The following INPP5E variants were observed in gnomAD, a reference collection of about 807,000 sequenced individuals.
The protein encoded by INPP5E is inositol polyphosphate-5-phosphatase E.
A neutral mutation model predicts 50.5 loss-of-function variants in INPP5E; 34 were observed. The observed-to-expected ratio is 0.67, with a 90% CI of 0.51 to 0.90. The LOEUF (loss-of-function observed/expected upper bound fraction) is 0.90. INPP5E is among the 40% of genes least tolerant of loss of function. INPP5E has a pLI of 0.00. For missense variants in INPP5E, 942 were observed against 905.5 expected, an observed-to-expected ratio of 1.04 and a Z score of -0.52; for synonymous variants, 447 against 406.0, an observed-to-expected ratio of 1.10 and a Z score of -1.21.
At chr9:136,431,223 C>A in intron 7 of INPP5E, 106 bp from the exon 8 acceptor site, 1 of 600,812 alleles carries the variant, frequency 1.7e-6, no homozygotes, top group East Asian at 3.4e-5. Flanking sequence ...CCTCCCCCCA[C>A]CCGCCGCAGG....
chr9:136,434,572 G>T (rs954662188), intron 2 of INPP5E, among the ~76,000 whole-genome samples, 168 bp downstream of exon 2: 2 of 152,146 alleles, frequency 1.3e-5, no homozygotes, highest in African/African-American at 4.8e-5. Context: ...GGGGATGGGG[G>T]TCCTTACCCA....
At chr9:136,433,984 C>T (rs778289543) in intron 3 of INPP5E, 53 bp downstream of exon 3, 2 of 1,423,848 alleles carry the variant, frequency 1.4e-6, no homozygotes, top group Non-Finnish European at 1.9e-6. Context: ...CACCCAGCTG[C>T]TTCAGAGACG....
Position 136,429,657 on chromosome 9 carries a change from G to A in INPP5E, c.*18C>T. ...CAATCACCCCACGTTGCAGCTGTGA[G>A]TCCTCGTTCAGCAAACTTCAAGAAA... is the stretch of plus-strand genomic sequence containing the variant. On this transcript the variant is annotated 3_prime_UTR_variant, in exon 10 of 10. Coordinates refer to ENST00000371712, the MANE Select transcript of INPP5E (RefSeq NM_019892.6). 1.2e-6 allele frequency: 2 copies of A among 1,613,748 alleles called. No homozygotes were observed. The highest frequency in any genetic ancestry group is 1.1e-5 in the South Asian group (1 of 91,084).
chr9:136,433,124 C>T (rs377311185), intron 4 of INPP5E, 31 bp downstream of exon 4: 3 of 1,610,506 alleles, frequency 1.9e-6, no homozygotes, highest in Non-Finnish European at 2.5e-6. Flanking sequence ...TGCCACCTTC[C>T]AGCCGCGCCC....
intron 1 of INPP5E, among the ~76,000 whole-genome samples, chr9:136,435,341 G>A (rs1356717672): frequency 6.6e-6 from 1 of 151,956 alleles, no homozygotes; most frequent in Non-Finnish European, 1.5e-5. Flanking sequence ...CGCACTTTTG[G>A]GTTTGCTTGT....
chr9:136,432,554 C>G lies in INPP5E; in HGVS notation c.1312G>C (p.Asp438His), dbSNP rs1835733198. 3 of 1,550,390 alleles carry G rather than the reference C, an allele frequency of 1.9e-6. No individual in the cohort carries two copies. Among genetic ancestry groups the G allele is most frequent in the Non-Finnish European group, 2.6e-6 (3 of 1,146,856 alleles). The change falls in exon 6 of 10, where the codon GAC becomes CAC. Residue 438 changes from aspartate to histidine, a missense_variant. Transcript: ENST00000371712. ...AGGGCTTGTACAGTCCTGGTGTAGT[C>G]CAGCAGCCGCTCCGCCACCTTCCCG... ...GDGKVAERLL[D>H]YTRTVQALVL...
At chr9:136,432,668 C>G in intron 5 of INPP5E, 82 bp from the exon 6 acceptor site, 1 of 1,017,026 alleles carries the variant, frequency 9.8e-7, no homozygotes, top group Middle Eastern at 2.0e-4. Flanking sequence ...TGGACTGTGC[C>G]CTGACTGCGC....
At chr9:136,432,625 G>T in intron 5 of INPP5E, 39 bp from the exon 6 acceptor site, 2 of 1,320,680 alleles carry the variant, frequency 1.5e-6, no homozygotes, top group Non-Finnish European at 2.1e-6. Context: ...ACAGGGTTCC[G>T]GATGCTCGAG....
intron 8 of INPP5E, 82 bp downstream of exon 8, chr9:136,430,920 C>A (rs989722252): frequency 8.0e-6 from 8 of 1,000,304 alleles, no homozygotes; most frequent in Non-Finnish European, 6.3e-6. Context: ...GGCTCAGACC[C>A]CTGACGCCAG....
At chr9:136,433,460 G>A (rs931707695) in intron 3 of INPP5E, among the ~76,000 whole-genome samples, 181 bp from the exon 4 acceptor site, 7 of 152,198 alleles carry the variant, frequency 4.6e-5, no homozygotes, top group Admixed American at 6.5e-5. Flanking sequence ...CCTGCCGGGG[G>A]CCACAGGCCC....
chr9:136,431,965 C>T lies in INPP5E; in HGVS notation c.1408G>A (p.Asp470Asn), dbSNP rs1835717140. The T allele has an allele frequency of 4.3e-6, 7 of 1,612,372 alleles. No homozygotes were observed. In the South Asian group the frequency reaches 4.4e-5, roughly 10 times the overall value. ...SSAADVTTRFDEVFWFGDFNF... is the reference protein window; with the variant it reads ...SSAADVTTRFNEVFWFGDFNF... ...AAGTCTCCAAACCAGAACACCTCAT[C>T]GAAGCGGGTGGTGACGTCCGCTGCG... The change falls in exon 7 of 10, where the codon GAT becomes AAT. Residue 470 changes from aspartate (D) to asparagine (N), a missense_variant. Transcript: ENST00000371712.
At position 136,439,225 on chromosome 9, in the gene INPP5E, G is replaced by T; in HGVS notation, c.195C>A (p.Ala65=). ...PATPSGEDPP[A]RAAPIAPRPP... ...GCCGCGGGGCGATGGGTGCTGCTCG[G>T]GCTGGCGGGTCCTCGCCGCTGGGCG... The change falls in exon 1 of 10, where the codon GCC becomes GCA. Residue 65 remains alanine (A), a synonymous_variant. Transcript: ENST00000371712. 6.5e-7 allele frequency: 1 copy of T among 1,530,346 alleles called. No individual in the cohort carries two copies. The allele number at this position is 1,530,346 out of a possible 1,614,324, so 94.8% of individuals were successfully genotyped here. A position where few individuals can be genotyped will look rare whatever the true frequency, so the allele number is the denominator to read the frequency against.
Position 136,429,564 on chromosome 9 carries a change from C to T in INPP5E, c.*111G>A, listed in dbSNP as rs1019928500. 99 of 1,418,246 alleles carry T rather than the reference C, an allele frequency of 7.0e-5. No homozygotes were observed. Among genetic ancestry groups the T allele is most frequent in the Middle Eastern group, 2.4e-4 (1 of 4,144 alleles). The allele number at this position is 1,418,246 out of a possible 1,614,324, so 87.9% of individuals were successfully genotyped here. A position where few individuals can be genotyped will look rare whatever the true frequency, so the allele number is the denominator to read the frequency against. On this transcript the variant is annotated 3_prime_UTR_variant, in exon 10 of 10. Coordinates refer to ENST00000371712, the MANE Select transcript of INPP5E (RefSeq NM_019892.6). ...TGGGACGCTGGCACAGAGGCACGGTCGCCACAGTCCCTCGGATCCCCGAAA... is the reference window on the plus strand; with the variant it reads ...TGGGACGCTGGCACAGAGGCACGGTTGCCACAGTCCCTCGGATCCCCGAAA...
intron 1 of INPP5E, chr9:136,435,992 A>C (rs1835821273): frequency 6.6e-6 from 1 of 152,218 alleles, no homozygotes; most frequent in Non-Finnish European, 1.5e-5. Context: ...TCCCTCTCTA[A>C]GTAACACTTG....
At chr9:136,437,414 A>C (rs1036664020) in intron 1 of INPP5E, 2 of 152,248 alleles carry the variant, frequency 1.3e-5, no homozygotes, top group Non-Finnish European at 2.9e-5. Context: ...TGTCCTTATA[A>C]AAAGAGAGGG....
rs765986823 is a variant in INPP5E, at chr9:136,431,031, T to C, written c.1636A>G (p.Thr546Ala). 2 of 1,612,736 alleles carry C rather than the reference T, an allele frequency of 1.2e-6. No individual in the cohort carries two copies. Among genetic ancestry groups the C allele is most frequent in the Non-Finnish European group, 1.7e-6 (2 of 1,179,408 alleles). Residue 546 changes from threonine to alanine, a missense_variant, in exon 8 of 10, where the codon ACC (threonine) becomes GCC (alanine). Transcript: ENST00000371712. Reference sequence around the variant, plus strand: ...TATGAGGGCGTCCTCTGCTTGGAGGTGCTGTCGTACGTGTCCTTCCCGATG... The same window carrying C: ...TATGAGGGCGTCCTCTGCTTGGAGGCGCTGTCGTACGTGTCCTTCCCGATG... The part of the protein sequence containing the change: ...FDIGKDTYDS[T>A]SKQRTPSYTD...
In INPP5E at chr9:136,428,812, G is replaced by A. The variant is rs1230211303; in HGVS notation, c.*863C>T. ...AACCCGGGACATGGTGGGGATCCCT[G>A]GCCTAGGTGTTCAAGGTGGTGGCAT... On this transcript the variant is annotated 3_prime_UTR_variant, in exon 10 of 10. Transcript: ENST00000371712. The A allele has an allele frequency of 6.6e-6, 1 of 152,496 alleles. No homozygotes were observed. Among genetic ancestry groups the A allele is most frequent in the East Asian group, 1.9e-4 (1 of 5,340 alleles). 9.4% of individuals were successfully genotyped at this position (152,496 alleles called of 1,614,324 possible). A position where few individuals can be genotyped will look rare whatever the true frequency, so the allele number is the denominator to read the frequency against.
At position 136,429,544 on chromosome 9, in the gene INPP5E, C is replaced by T. The variant is rs1835649847; in HGVS notation, c.*131G>A. 29 of 1,240,770 alleles carry T rather than the reference C, an allele frequency of 2.3e-5. No homozygotes were observed. Among genetic ancestry groups the T allele is most frequent in the South Asian group, 1.3e-4 (11 of 83,416 alleles). The allele number at this position is 1,240,770 out of a possible 1,614,324, so 76.9% of individuals were successfully genotyped here. On this transcript the variant is annotated 3_prime_UTR_variant, in exon 10 of 10. Coordinates refer to ENST00000371712, the MANE Select transcript of INPP5E (RefSeq NM_019892.6). ...CTCAGGGTTGGCTTCCTTCCTGGGA[C>T]GCTGGCACAGAGGCACGGTCGCCAC...
intron 5 of INPP5E, among the ~76,000 whole-genome samples, 185 bp from the exon 6 acceptor site, chr9:136,432,771 C>T (rs1452849170): frequency 6.6e-6 from 1 of 152,240 alleles, no homozygotes; most frequent in Non-Finnish European, 1.5e-5. Context: ...CCCAGCACGG[C>T]ACGCCCTCGG....
Sources: gnomAD v4.1 joint callset for allele counts (sites outside exome capture counted in the v4.1 genomes callset) on GRCh38, gnomAD v4.1.1 for gene constraint, MANE v1.5 for transcripts, NCBI Gene and HGNC (gene_info 2026-07-23, HGNC 2026-07-21) for gene names.